The following NF1 variants were observed in gnomAD, a reference collection of about 807,000 sequenced individuals.
NF1 encodes the protein neurofibromin 1.
Under a neutral mutation model 325.7 loss-of-function variants are expected in NF1, and 122 were observed. The observed-to-expected ratio is 0.37, with a 90% confidence interval of 0.32 to 0.44. The LOEUF is 0.44. NF1 is among the 20% of genes least tolerant of loss of function. The pLI is 1.00. For synonymous variants in NF1, 1,091 were observed against 1,186.0 expected (o/e 0.92, Z 1.65); for missense variants, 2,140 against 3,415.4 (o/e 0.63, Z 9.31).
chr17:31,326,371 G>T, intron 37 of NF1, 119 bp downstream of exon 37: 1 of 1,024,130 alleles, frequency 9.8e-7, no homozygotes, highest in Non-Finnish European at 1.4e-6. Flanking sequence ...ACGTAAGGCT[G>T]TCGCGGTGGC....
chr17:31,221,830 C>G lies in NF1; in HGVS notation c.1642-20C>G, dbSNP rs1446556987. The G allele has an allele frequency of 6.4e-7, 1 of 1,566,170 alleles. No individual in the cohort carries two copies. Among genetic ancestry groups the G allele is most frequent in the Non-Finnish European group, 8.7e-7 (1 of 1,146,156 alleles). On this transcript the variant is annotated intron_variant, in intron 14 of 57. Transcript: ENST00000358273. ...TTGAGTGAGTCTTCTCTTTGTCTTT[C>G]TCTTTTTTAAAAAATTCAGGCTCTG...
chr17:31,256,311 G>A (rs2067582212), intron 31 of NF1, among the ~76,000 whole-genome samples: 1 of 152,064 alleles, frequency 6.6e-6, no homozygotes, highest in Admixed American at 6.5e-5. Flanking sequence ...GCTAATTTTT[G>A]TATTTTTAGT....
chr17:31,191,069 A>G (rs927835215), intron 8 of NF1, among the ~76,000 whole-genome samples: 1 of 152,230 alleles, frequency 6.6e-6, no homozygotes, highest in African/African-American at 2.4e-5. Context: ...AATAAAGCTG[A>G]AAAAATGTCA....
In NF1 at chr17:31,100,154, A is replaced by G. The variant is rs148407346; in HGVS notation, c.60+4785A>G. Among the ~76,000 whole-genome samples the G allele has an allele frequency of 4.6e-3, 696 of 152,320 alleles. 7 individuals carry two copies. The highest frequency in any genetic ancestry group is 0.016 in the African/African-American group (666 of 41,566). ...AAAAACCCAATTTAAAGAATATGTTATGGAATAAACTCTGATTTTAGAGGT... is the reference window on the plus strand; with the variant it reads ...AAAAACCCAATTTAAAGAATATGTTGTGGAATAAACTCTGATTTTAGAGGT... On this transcript the variant is annotated intron_variant, in intron 1 of 57. Transcript: ENST00000358273.
intron 36 of NF1, among the ~76,000 whole-genome samples, chr17:31,316,001 A>G (rs2069011274): frequency 6.6e-6 from 1 of 152,076 alleles, no homozygotes; most frequent in Non-Finnish European, 1.5e-5. Flanking sequence ...ACCTCAAGCA[A>G]TCCTCCTGCC....
chr17:31,183,709 GACCC>G (rs2143792979), intron 8 of NF1, among the ~76,000 whole-genome samples: 1 of 152,312 alleles, frequency 6.6e-6, no homozygotes, highest in Non-Finnish European at 1.5e-5. Context: ...GGGAAAGGCA[GACCC>G]ACCCTTAATC....
intron 1 of NF1, among the ~76,000 whole-genome samples, chr17:31,107,737 A>G (rs1216887662): frequency 6.6e-6 from 1 of 152,070 alleles, no homozygotes; most frequent in Non-Finnish European, 1.5e-5. Context: ...TCACTATCCT[A>G]ATTGTTTTCC....
chr17:31,328,874 A>C (rs976755194), intron 38 of NF1, among the ~76,000 whole-genome samples: 1 of 152,216 alleles, frequency 6.6e-6, no homozygotes, highest in African/African-American at 2.4e-5. Context: ...GATTTTGTGT[A>C]TGCTTTGCTT....
intron 56 of NF1, 58 bp downstream of exon 56, chr17:31,359,073 G>GT (rs2070342609): frequency 7.4e-7 from 1 of 1,349,856 alleles, no homozygotes; most frequent in Non-Finnish European, 1.1e-6. Context: ...GTTCAAATTA[G>GT]TATGCCTGCT....
chr17:31,116,658 T>A (rs1913940511), intron 1 of NF1, among the ~76,000 whole-genome samples: 1 of 151,966 alleles, frequency 6.6e-6, no homozygotes, highest in Non-Finnish European at 1.5e-5. Context: ...AAAATCATTT[T>A]ATTTTATTTT....
chr17:31,310,523 T>C (rs1268865063), intron 36 of NF1, among the ~76,000 whole-genome samples: 1 of 152,164 alleles, frequency 6.6e-6, no homozygotes, highest in Non-Finnish European at 1.5e-5. Flanking sequence ...AGGGAGACAG[T>C]AAAGAGGAGC....
chr17:31,248,899 T>G, intron 29 of NF1, 85 bp from the exon 30 acceptor site: 1 of 1,352,958 alleles, frequency 7.4e-7, no homozygotes, highest in Non-Finnish European at 1.0e-6. Flanking sequence ...TGGCTTAATG[T>G]CTGTATAAGA....
At chr17:31,150,711 C>T (rs552475744) in intron 1 of NF1, among the ~76,000 whole-genome samples, 42 of 152,146 alleles carry the variant, frequency 2.8e-4, no homozygotes, top group Admixed American at 4.6e-4. Flanking sequence ...CCCTTATTGC[C>T]ACCATTCTCA....
At chr17:31,175,382 C>T (rs1482652765) in intron 5 of NF1, among the ~76,000 whole-genome samples, 1 of 114,936 alleles carries the variant, frequency 8.7e-6, no homozygotes, top group Non-Finnish European at 1.6e-5. Context: ...CAGAGTCTTG[C>T]TCTGTCGCTC....
In NF1 at chr17:31,210,351, G is replaced by T. The variant is rs181472657; in HGVS notation, c.1392+3980G>T. On this transcript the variant is annotated intron_variant, in intron 12 of 57. Coordinates refer to ENST00000358273, the MANE Select transcript of NF1 (RefSeq NM_001042492.3). ...TAATACCAGCACTTAGGGAGGCCGG[G>T]GCGGGCAGGTCACTTGAGACCAGGA... 2.2e-3 allele frequency among the ~76,000 whole-genome samples: 340 copies of T among 152,306 alleles called. 3 individuals carry two copies. Among genetic ancestry groups the T allele is most frequent in the Non-Finnish European group, 3.7e-3 (253 of 68,032 alleles).
At chr17:31,327,378 G>A in intron 37 of NF1, 121 bp from the exon 38 acceptor site, 1 of 723,638 alleles carries the variant, frequency 1.4e-6, no homozygotes, top group East Asian at 2.7e-5. Context: ...ATACAATGGT[G>A]GGAACTCTTC....
chr17:31,276,023 C>T (rs1011527071), intron 36 of NF1, among the ~76,000 whole-genome samples: 1 of 151,942 alleles, frequency 6.6e-6, no homozygotes, highest in Non-Finnish European at 1.5e-5. Context: ...TCCTGGCTAA[C>T]ACGGTGAAAC....
chr17:31,304,748 C>CT (rs760857129), intron 36 of NF1: 1 of 1,614,134 alleles, frequency 6.2e-7, no homozygotes, highest in Non-Finnish European at 8.5e-7. Context: ...AACTTAATTT[C>CT]TAAGTCATCT....
chr17:31,160,368 G>T (rs1040665383), intron 3 of NF1, among the ~76,000 whole-genome samples: 2 of 152,184 alleles, frequency 1.3e-5, no homozygotes, highest in Non-Finnish European at 2.9e-5. Flanking sequence ...GATTACAGAT[G>T]TGAACCACTG....
Sources: gnomAD v4.1 joint callset for allele counts (sites outside exome capture counted in the v4.1 genomes callset) on GRCh38, gnomAD v4.1.1 for gene constraint, MANE v1.5 for transcripts, NCBI Gene and HGNC (gene_info 2026-07-23, HGNC 2026-07-21) for gene names.